Variants in REDIC1 observed in about 807,000 individuals in gnomAD.
The protein encoded by REDIC1 is regulator of DNA class I crossover intermediates 1.
At chr12:39,846,090 T>C in the REDIC1 span, among the ~76,000 whole-genome samples, 3 of 152,092 alleles carry the variant, frequency 2.0e-5, no homozygotes, top group Non-Finnish European at 2.9e-5. Context: ...TTAAAAACAA[T>C]TGCCCAAACA....
chr12:39,830,501 A>G, the REDIC1 span: 763,762 of 1,127,466 alleles, frequency 0.68, 260,815 homozygotes, highest in African/African-American at 0.88. Flanking sequence ...AAGAGTCCCC[A>G]TCAATCTGGA....
At chr12:39,656,418 T>A in the REDIC1 span, among the ~76,000 whole-genome samples, 5 of 152,184 alleles carry the variant, frequency 3.3e-5, no homozygotes, top group African/African-American at 1.2e-4. Context: ...TGTGTTTGTG[T>A]GATGCTAGTA....
chr12:39,684,416 G>C, the REDIC1 span: 8 of 322,224 alleles, frequency 2.5e-5, no homozygotes, highest in Non-Finnish European at 3.6e-5. Context: ...GATTTCTTGT[G>C]GAATTATTAA....
the REDIC1 span, among the ~76,000 whole-genome samples, chr12:39,743,115 A>G: frequency 6.6e-6 from 1 of 152,162 alleles, no homozygotes; most frequent in Non-Finnish European, 1.5e-5. Context: ...AACCATTTTG[A>G]AATATGCCAG....
At chr12:39,839,810 T>C in the REDIC1 span, among the ~76,000 whole-genome samples, 1 of 152,110 alleles carries the variant, frequency 6.6e-6, no homozygotes, top group Non-Finnish European at 1.5e-5. Flanking sequence ...GTGCCAGAAC[T>C]ACACTTCCAA....
chr12:39,660,086 TC>T, the REDIC1 span, among the ~76,000 whole-genome samples: 12 of 152,126 alleles, frequency 7.9e-5, no homozygotes, highest in South Asian at 4.1e-4. Flanking sequence ...ATCAAAATTT[TC>T]CCCCCTAGTG....
chr12:39,627,826 A>G, the REDIC1 span, among the ~76,000 whole-genome samples: 1 of 152,156 alleles, frequency 6.6e-6, no homozygotes, highest in Non-Finnish European at 1.5e-5. Flanking sequence ...TACACAAAGT[A>G]TGTCTTTGGT....
chr12:39,677,867 G>A, the REDIC1 span, among the ~76,000 whole-genome samples: 6 of 152,146 alleles, frequency 3.9e-5, no homozygotes, highest in South Asian at 4.1e-4. Context: ...AAATCAAGAC[G>A]GAAATCTAAA....
the REDIC1 span, among the ~76,000 whole-genome samples, chr12:39,699,274 A>G: frequency 1.3e-5 from 2 of 152,212 alleles, no homozygotes; most frequent in African/African-American, 2.4e-5. Flanking sequence ...TGGGCGAGGC[A>G]TTGCCTCACT....
the REDIC1 span, among the ~76,000 whole-genome samples, chr12:39,712,160 A>G: frequency 7.7e-5 from 11 of 143,228 alleles, no homozygotes; most frequent in African/African-American, 2.6e-4. Flanking sequence ...ATACATGTAT[A>G]TGTACATGTA....
the REDIC1 span, among the ~76,000 whole-genome samples, chr12:39,771,388 C>T: frequency 3.4e-3 from 521 of 152,258 alleles, 7 homozygotes; most frequent in African/African-American, 0.012. Flanking sequence ...AGAAGCAAGT[C>T]GCCATGCTGT....
chr12:39,736,578 C>T, the REDIC1 span: 1 of 152,188 alleles, frequency 6.6e-6, no homozygotes, highest in African/African-American at 2.4e-5. Context: ...ATTGCCCTTC[C>T]CTTATTATGG....
the REDIC1 span, among the ~76,000 whole-genome samples, chr12:39,858,400 A>T: frequency 6.6e-6 from 1 of 152,280 alleles, no homozygotes; most frequent in East Asian, 1.9e-4. Context: ...AGCTTGTGCC[A>T]CCATGCCAAA....
chr12:39,780,067 T>C, the REDIC1 span, among the ~76,000 whole-genome samples: 3 of 152,260 alleles, frequency 2.0e-5, no homozygotes, highest in Non-Finnish European at 2.9e-5. Context: ...CTTGAGTAGA[T>C]GTAAATTCCT....
the REDIC1 span, among the ~76,000 whole-genome samples, chr12:39,703,829 G>T: frequency 6.6e-6 from 1 of 152,190 alleles, no homozygotes; most frequent in African/African-American, 2.4e-5. Context: ...ATGGGGAAAG[G>T]ATTCCCTATT....
At chr12:39,719,419 A>T in the REDIC1 span, among the ~76,000 whole-genome samples, 1 of 152,066 alleles carries the variant, frequency 6.6e-6, no homozygotes, top group Non-Finnish European at 1.5e-5. Context: ...TGAGCCCAGG[A>T]GTTCGTGACC....
At chr12:39,713,024 CGTGTATATGTATATATA>C in the REDIC1 span, among the ~76,000 whole-genome samples, 1 of 133,518 alleles carries the variant, frequency 7.5e-6, no homozygotes. Context: ...TGTGTATATA[CGTGTATATGTATATATA>C]CATGTGTATA....
chr12:39,626,634 T>A, the REDIC1 span, among the ~76,000 whole-genome samples: 2 of 152,168 alleles, frequency 1.3e-5, no homozygotes, highest in African/African-American at 4.8e-5. Context: ...CCCTTCTCCA[T>A]GTCCTATGCT....
the REDIC1 span, among the ~76,000 whole-genome samples, chr12:39,737,167 A>G: frequency 1.3e-5 from 2 of 152,200 alleles, no homozygotes; most frequent in Admixed American, 6.5e-5. Context: ...CCAGTTGGTG[A>G]TATTAAATGG....
Sources: allele counts gnomAD v4.1 joint callset (sites outside exome capture counted in the v4.1 genomes callset), GRCh38; gene constraint gnomAD v4.1.1; transcripts MANE v1.5; gene names NCBI Gene and HGNC (gene_info 2026-07-23, HGNC 2026-07-21).